The following FAM151B variants were observed in gnomAD, a reference collection of about 807,000 sequenced individuals.
FAM151B encodes family with sequence similarity 151 member B, also known as protein FAM151B.
Under a neutral mutation model 31.2 loss-of-function variants are expected in FAM151B, and 24 were observed. That is an observed-to-expected ratio of 0.77 (90% CI 0.56 to 1.08). The LOEUF (loss-of-function observed/expected upper bound fraction) is 1.08. Ranked by LOEUF, FAM151B falls within the 50% of genes least tolerant of loss-of-function variation. The pLI is 0.00. For synonymous variants in FAM151B, 105 were observed against 111.4 expected, an observed-to-expected ratio of 0.94 and a Z score of 0.36; for missense variants, 293 against 328.6, an observed-to-expected ratio of 0.89 and a Z score of 0.84.
At chr5:80,500,733 T>C in intron 1 of FAM151B, 1 of 893,486 alleles carries the variant, frequency 1.1e-6, no homozygotes, top group Non-Finnish European at 1.9e-6. Flanking sequence ...TGCTGAGGAT[T>C]GTAGAGCCAT....
chr5:80,517,770 G>A (rs546442658), intron 3 of FAM151B, among the ~76,000 whole-genome samples: 58 of 152,212 alleles, frequency 3.8e-4, no homozygotes, highest in Non-Finnish European at 6.6e-4. Flanking sequence ...GGGAGAATAC[G>A]CTGTTTGAAA....
At chr5:80,490,476 T>G (rs1276926208) in intron 1 of FAM151B, among the ~76,000 whole-genome samples, 1 of 152,244 alleles carries the variant, frequency 6.6e-6, no homozygotes, top group Non-Finnish European at 1.5e-5. Flanking sequence ...TTTTAGCTTA[T>G]TTATTTAATT....
chr5:80,524,310 A>G (rs140943359), intron 5 of FAM151B, among the ~76,000 whole-genome samples: 436 of 152,164 alleles, frequency 2.9e-3, no homozygotes, highest in African/African-American at 7.5e-3. Context: ...TGATGATGTC[A>G]CATTGATTTT....
intron 1 of FAM151B, among the ~76,000 whole-genome samples, chr5:80,498,341 TGCAGCCCA>T (rs1373037904): frequency 6.6e-6 from 1 of 152,158 alleles, no homozygotes; most frequent in Non-Finnish European, 1.5e-5. Flanking sequence ...TTTTAAATTC[TGCAGCCCA>T]GCGTTAGAAG....
chr5:80,525,698 C>T (rs1314185096), intron 5 of FAM151B, among the ~76,000 whole-genome samples: 9 of 152,082 alleles, frequency 5.9e-5, no homozygotes, highest in Admixed American at 2.6e-4. Flanking sequence ...ATCACATTCC[C>T]GTTCCAGCCC....
At chr5:80,521,885 TTATGAATTACC>T in intron 4 of FAM151B, 107 bp from the exon 5 acceptor site, 2 of 645,144 alleles carry the variant, frequency 3.1e-6, no homozygotes, top group Non-Finnish European at 4.8e-6. Context: ...ATGGAAAGTA[TTATGAATTACC>T]TATGAATTAT....
At chr5:80,511,887 G>A (rs937250474) in intron 2 of FAM151B, among the ~76,000 whole-genome samples, 2 of 152,140 alleles carry the variant, frequency 1.3e-5, no homozygotes, top group Non-Finnish European at 2.9e-5. Context: ...GATTATAAGC[G>A]TGAGCCACCA....
intron 2 of FAM151B, among the ~76,000 whole-genome samples, chr5:80,503,802 A>C (rs886919463): frequency 6.6e-6 from 1 of 152,130 alleles, no homozygotes; most frequent in Admixed American, 6.5e-5. Context: ...AAGTCTGGCC[A>C]TGGTCACAAG....
chr5:80,536,920 T>C (rs1357013301), intron 5 of FAM151B, among the ~76,000 whole-genome samples: 1 of 151,846 alleles, frequency 6.6e-6, no homozygotes, highest in Non-Finnish European at 1.5e-5. Flanking sequence ...GTGGTGGGTG[T>C]TGGGGGGAGG....
intron 5 of FAM151B, among the ~76,000 whole-genome samples, chr5:80,536,182 T>A (rs976807220): frequency 1.2e-4 from 19 of 152,176 alleles, no homozygotes; most frequent in African/African-American, 4.3e-4. Flanking sequence ...TTTTGTTTTG[T>A]TTTTTTGAGA....
chr5:80,532,699 A>AT (rs1454306003), intron 5 of FAM151B, among the ~76,000 whole-genome samples: 4 of 152,200 alleles, frequency 2.6e-5, no homozygotes, highest in African/African-American at 7.2e-5. Context: ...CAAAATACAC[A>AT]TTCTTTTTCT....
chr5:80,507,185 A>G (rs1336129592), intron 2 of FAM151B, among the ~76,000 whole-genome samples: 1 of 151,760 alleles, frequency 6.6e-6, no homozygotes, highest in African/African-American at 2.4e-5. Flanking sequence ...GGAAGCAGCC[A>G]TCTGGATATT....
At chr5:80,492,290 T>G (rs1199207204) in intron 1 of FAM151B, among the ~76,000 whole-genome samples, 1 of 152,206 alleles carries the variant, frequency 6.6e-6, no homozygotes, top group African/African-American at 2.4e-5. Flanking sequence ...TTGGGAATTC[T>G]TGCAATATTT....
chr5:80,532,702 C>CT (rs1299943280), intron 5 of FAM151B, among the ~76,000 whole-genome samples: 1 of 152,190 alleles, frequency 6.6e-6, no homozygotes, highest in African/African-American at 2.4e-5. Flanking sequence ...AATACACATT[C>CT]TTTTTCTCAA....
intron 1 of FAM151B, among the ~76,000 whole-genome samples, chr5:80,497,283 G>A (rs978997169): frequency 6.6e-5 from 10 of 151,860 alleles, no homozygotes; most frequent in South Asian, 2.1e-4. Flanking sequence ...AAAAGCAGCC[G>A]ATGTGATGGT....
intron 5 of FAM151B, among the ~76,000 whole-genome samples, chr5:80,532,610 A>C (rs1188970523): frequency 3.9e-5 from 6 of 152,218 alleles, no homozygotes; most frequent in Non-Finnish European, 8.8e-5. Flanking sequence ...GAAAATCAGT[A>C]AAGAAACATG....
chr5:80,525,793 A>G (rs914228527), intron 5 of FAM151B, among the ~76,000 whole-genome samples: 4 of 151,964 alleles, frequency 2.6e-5, no homozygotes, highest in East Asian at 1.9e-4. Flanking sequence ...TTTTATAACT[A>G]TTTTTGTATT....
intron 1 of FAM151B, chr5:80,500,504 A>C: frequency 1.3e-6 from 1 of 765,166 alleles, no homozygotes; most frequent in East Asian, 2.4e-5. Context: ...ACACTGTCAC[A>C]AGGAATATAG....
chr5:80,488,546 CG>C (rs1398527441), intron 1 of FAM151B, among the ~76,000 whole-genome samples: 1 of 152,190 alleles, frequency 6.6e-6, no homozygotes, highest in Non-Finnish European at 1.5e-5. Context: ...GGGCCGGGCC[CG>C]GCATAGTCCC....
Sources: allele counts gnomAD v4.1 joint callset (sites outside exome capture counted in the v4.1 genomes callset), GRCh38; gene constraint gnomAD v4.1.1; transcripts MANE v1.5; gene names NCBI Gene and HGNC (gene_info 2026-07-23, HGNC 2026-07-21).